ADK: variants seen among roughly 807,000 people sequenced by gnomAD.
ADK encodes N6,N6-dimethyladenosine kinase.
Under a neutral mutation model 44.7 loss-of-function variants are expected in ADK, and 24 were observed. The observed-to-expected ratio is 0.54, with a 90% CI of 0.39 to 0.76. The LOEUF is 0.76. ADK is among the 30% of genes least tolerant of loss of function. The pLI, the probability that ADK is intolerant of heterozygous loss-of-function variation, is 0.00. For synonymous variants in ADK, 128 were observed against 142.6 expected, an observed-to-expected ratio of 0.90 and a Z score of 0.73; for missense variants, 321 against 425.1, an observed-to-expected ratio of 0.76 and a Z score of 2.15.
intron 6 of ADK, among the ~76,000 whole-genome samples, chr10:74,424,951 A>G (rs1020581210): frequency 6.6e-6 from 1 of 152,082 alleles, no homozygotes. Flanking sequence ...CTTATTTTCT[A>G]TTTTGTGCCT....
intron 4 of ADK, among the ~76,000 whole-genome samples, chr10:74,368,365 C>A (rs546879804): frequency 6.6e-6 from 1 of 151,918 alleles, no homozygotes; most frequent in East Asian, 1.9e-4. Context: ...CATCTTGGCC[C>A]CACAAAGTAC....
chr10:74,670,519 C>G (rs927046233), intron 10 of ADK, among the ~76,000 whole-genome samples: 2 of 152,172 alleles, frequency 1.3e-5, no homozygotes, highest in Non-Finnish European at 2.9e-5. Context: ...TTAATTGTAT[C>G]TGTCAGAAAA....
At chr10:74,504,094 G>C (rs1009488681) in intron 6 of ADK, among the ~76,000 whole-genome samples, 1 of 152,186 alleles carries the variant, frequency 6.6e-6, no homozygotes, top group Admixed American at 6.5e-5. Flanking sequence ...CCACAGTTCC[G>C]AAACTGTGCA....
intron 9 of ADK, among the ~76,000 whole-genome samples, chr10:74,633,460 C>T (rs1853509316): frequency 2.0e-5 from 3 of 152,048 alleles, no homozygotes; most frequent in Admixed American, 2.0e-4. Flanking sequence ...CCCCAAAGGT[C>T]CATAAAGAGT....
rs143849478 is a variant in ADK, at chr10:74,483,313, C to T, written c.556-41943C>T. Among the ~76,000 whole-genome samples the T allele has an allele frequency of 5.1e-3, 769 of 152,234 alleles. 8 individuals carry two copies. Among genetic ancestry groups the T allele is most frequent in the African/African-American group, 0.017 (708 of 41,552 alleles). On this transcript the variant is annotated intron_variant, in intron 6 of 10. Transcript: ENST00000539909. ...GGGGCTCTTTTTTCCATGGCTGGGA[C>T]GCAGGGAGCAGTATCAAGGTTGCAC...
intron 4 of ADK, among the ~76,000 whole-genome samples, chr10:74,369,067 GT>G (rs1163895914): frequency 6.6e-6 from 1 of 152,174 alleles, no homozygotes; most frequent in Non-Finnish European, 1.5e-5. Flanking sequence ...TAGATAAAGA[GT>G]TACTACTTTG....
chr10:74,518,649 A>G (rs912198720), intron 6 of ADK, among the ~76,000 whole-genome samples: 1 of 152,222 alleles, frequency 6.6e-6, no homozygotes, highest in Non-Finnish European at 1.5e-5. Flanking sequence ...TCAGTGATGT[A>G]GTTAGATGGC....
At chr10:74,305,834 G>A (rs770413750) in intron 3 of ADK, among the ~76,000 whole-genome samples, 7 of 151,860 alleles carry the variant, frequency 4.6e-5, no homozygotes, top group Non-Finnish European at 8.8e-5. Flanking sequence ...TGAAGTGATC[G>A]TCCTGCCTCA....
At chr10:74,695,604 C>T (rs1287131055) in intron 10 of ADK, among the ~76,000 whole-genome samples, 3 of 59,612 alleles carry the variant, frequency 5.0e-5, no homozygotes, top group East Asian at 5.0e-4. Context: ...TTTTACAATT[C>T]CTGTGTATGT....
At chr10:74,417,137 C>T (rs1459027155) in intron 6 of ADK, among the ~76,000 whole-genome samples, 1 of 151,930 alleles carries the variant, frequency 6.6e-6, no homozygotes, top group East Asian at 1.9e-4. Context: ...TATGTATTTC[C>T]TTTCTTATAT....
chr10:74,436,752 A>T (rs1351474362), intron 6 of ADK, among the ~76,000 whole-genome samples: 1 of 152,198 alleles, frequency 6.6e-6, no homozygotes, highest in Non-Finnish European at 1.5e-5. Context: ...CTGATACAAA[A>T]ATCGAGTAAA....
At chr10:74,531,628 G>A (rs529819043) in intron 7 of ADK, among the ~76,000 whole-genome samples, 56 of 152,058 alleles carry the variant, frequency 3.7e-4, no homozygotes, top group Non-Finnish European at 7.2e-4. Flanking sequence ...CAAACTCCTG[G>A]GTTCAAATGA....
intron 4 of ADK, among the ~76,000 whole-genome samples, chr10:74,354,965 C>G (rs1842085778): frequency 6.6e-6 from 1 of 152,158 alleles, no homozygotes; most frequent in Admixed American, 6.5e-5. Flanking sequence ...TGTGGTATAT[C>G]AGTAAAACTT....
intron 2 of ADK, among the ~76,000 whole-genome samples, chr10:74,203,680 G>A (rs1035149624): frequency 1.3e-5 from 2 of 151,706 alleles, no homozygotes; most frequent in Admixed American, 6.6e-5. Context: ...TGGCCTGTAC[G>A]ACACTGTTTT....
At chr10:74,690,567 C>T (rs1449143225) in intron 10 of ADK, among the ~76,000 whole-genome samples, 3 of 152,162 alleles carry the variant, frequency 2.0e-5, no homozygotes, top group Non-Finnish European at 2.9e-5. Flanking sequence ...CGCTGTGTCC[C>T]CAACTCAGCT....
At chr10:74,487,035 A>G (rs1308264620) in intron 6 of ADK, among the ~76,000 whole-genome samples, 2 of 152,062 alleles carry the variant, frequency 1.3e-5, no homozygotes, top group African/African-American at 4.8e-5. Flanking sequence ...AATCATGATT[A>G]GTTTTTTGTA....
chr10:74,223,530 C>G (rs1564603345), intron 2 of ADK, among the ~76,000 whole-genome samples: 1 of 152,052 alleles, frequency 6.6e-6, no homozygotes, highest in Non-Finnish European at 1.5e-5. Flanking sequence ...GATCCATTTT[C>G]AGGCAGATTA....
rs571668207 is a variant in ADK at position 74,574,287 on chromosome 10, C to T, written c.727-14995C>T. Among the ~76,000 whole-genome samples the T allele has an allele frequency of 1.1e-4, 16 of 152,036 alleles. 1 individual carries two copies. In the South Asian group the frequency reaches 3.3e-3, roughly 32 times the overall value. ...CGACATTGAAGCGATTCTCCTGCCT[C>T]AGCCTCCCAAGTAGCTGGGACTACA... On this transcript the variant is annotated intron_variant, in intron 7 of 10. Coordinates refer to ENST00000539909, the MANE Select transcript of ADK (RefSeq NM_006721.4).
intron 7 of ADK, among the ~76,000 whole-genome samples, chr10:74,564,960 T>TCTTGGCCAAGGCTTA (rs1475850755): frequency 6.6e-6 from 1 of 152,078 alleles, no homozygotes; most frequent in Non-Finnish European, 1.5e-5. Flanking sequence ...TCTTAGGACA[T>TCTTGGCCAAGGCTTA]GAACATCTTG....
Sources: gnomAD v4.1 joint callset for allele counts (sites outside exome capture counted in the v4.1 genomes callset) on GRCh38, gnomAD v4.1.1 for gene constraint, MANE v1.5 for transcripts, NCBI Gene and HGNC (gene_info 2026-07-23, HGNC 2026-07-21) for gene names.